The following EDN3 variants were observed in gnomAD, a reference collection of about 807,000 sequenced individuals.
EDN3 encodes endothelin-3.
In EDN3, 9 loss-of-function variants were observed where a neutral mutation model predicts 21.4. The observed-to-expected ratio is 0.42, with a 90% confidence interval of 0.25 to 0.73. The LOEUF is 0.73. Ranked by LOEUF, EDN3 falls within the 30% of genes least tolerant of loss-of-function variation. The pLI, the probability that EDN3 is intolerant of heterozygous loss-of-function variation, is 0.26. For missense variants in EDN3, 327 were observed against 309.4 expected (o/e 1.06, Z -0.43); for synonymous variants, 133 against 126.2 (o/e 1.05, Z -0.36).
In EDN3 at chr20:59,311,425, G is replaced by A. The variant is rs575069973; in HGVS notation, c.366-9592G>A. On this transcript the variant is annotated intron_variant, in intron 2 of 4. Transcript: ENST00000337938. The stretch of plus-strand genomic sequence containing the variant: ...TTGAGTATACTTACAGTTATTTTTC[G>A]ATCCTATGCTAAACAAGGGGTGGGT... 5.3e-5 allele frequency among the ~76,000 whole-genome samples: 8 copies of A among 152,232 alleles called. No individual in the cohort carries two copies. The South Asian group carries it at 1.7e-3, about 32-fold the overall frequency.
At chr20:59,321,788 G>T (rs574347805) in intron 3 of EDN3, among the ~76,000 whole-genome samples, 1 of 152,132 alleles carries the variant, frequency 6.6e-6, no homozygotes, top group African/African-American at 2.4e-5. Flanking sequence ...GAGACCCTGT[G>T]GTCTGTCCTG....
chr20:59,315,610 T>G (rs949919618), intron 2 of EDN3, among the ~76,000 whole-genome samples: 4 of 152,202 alleles, frequency 2.6e-5, no homozygotes, highest in Non-Finnish European at 4.4e-5. Flanking sequence ...AGGTACTCAT[T>G]TTGTTCATGT....
Position 59,325,406 on chromosome 20 carries a change from C to G in EDN3, c.*947C>G, listed in dbSNP as rs753749070. 7 of 152,438 alleles carry G rather than the reference C, an allele frequency of 4.6e-5. No individual in the cohort carries two copies. The highest frequency in any genetic ancestry group is 8.8e-5 in the Non-Finnish European group (6 of 68,042). 9.4% of individuals were successfully genotyped at this position (152,438 alleles called of 1,614,324 possible). ...CAGTTCAAAATCTCTTTCAGCTGCG[C>G]TCTTCCCACCGAGCCGAGCTTACTG... On this transcript the variant is annotated 3_prime_UTR_variant, in exon 5 of 5. Coordinates refer to ENST00000337938, the MANE Select transcript of EDN3 (RefSeq NM_207034.3).
intron 2 of EDN3, among the ~76,000 whole-genome samples, chr20:59,303,124 G>C (rs1319850416): frequency 6.6e-6 from 1 of 152,206 alleles, no homozygotes; most frequent in Non-Finnish European, 1.5e-5. Context: ...TGCTGTCACT[G>C]TCTTGAAATC....
At chr20:59,306,595 T>TAAAAAAAAAAAAAAAAAAAAAAA (rs57144708) in intron 2 of EDN3, among the ~76,000 whole-genome samples, 7 of 62,458 alleles carry the variant, frequency 1.1e-4, no homozygotes, top group East Asian at 5.7e-4. Flanking sequence ...GCATAAAGAG[T>TAAAAAAAAAAAAAAAAAAAAAAA]AAAAAAAAAA....
chr20:59,318,318 C>T (rs752841483), intron 2 of EDN3, among the ~76,000 whole-genome samples: 12 of 152,246 alleles, frequency 7.9e-5, no homozygotes, highest in African/African-American at 2.4e-4. Flanking sequence ...CACCACATGT[C>T]GATACGGAGT....
chr20:59,305,079 A>G lies in EDN3; in HGVS notation c.365+3357A>G, dbSNP rs975541735. Among the ~76,000 whole-genome samples the G allele has an allele frequency of 6.6e-6, 1 of 152,108 alleles. No homozygotes were observed. Among genetic ancestry groups the G allele is most frequent in the Non-Finnish European group, 1.5e-5 (1 of 68,018 alleles). Reference sequence around the variant, plus strand: ...GTGGGCAAGAGAGTTTTTCTTGGGGATGTTGCCCATAACTTCTGTGATATC... The same window carrying G: ...GTGGGCAAGAGAGTTTTTCTTGGGGGTGTTGCCCATAACTTCTGTGATATC... On this transcript the variant is annotated intron_variant, in intron 2 of 4. Transcript: ENST00000337938. This position sits in a 1 kb window ranked among gnomAD's most constrained non-coding sequence, Gnocchi z 4.2.
rs1600725257 is a variant in EDN3, at chr20:59,305,972, G to A, written c.365+4250G>A. 6.6e-6 allele frequency among the ~76,000 whole-genome samples: 1 copy of A among 152,204 alleles called. No individual in the cohort carries two copies. Among genetic ancestry groups the A allele is most frequent in the Admixed American group, 6.5e-5 (1 of 15,286 alleles). On this transcript the variant is annotated intron_variant, in intron 2 of 4. Coordinates refer to ENST00000337938, the MANE Select transcript of EDN3 (RefSeq NM_207034.3). This position sits in a 1 kb window ranked among gnomAD's most constrained non-coding sequence, Gnocchi z 4.2. Reference sequence around the variant, plus strand: ...AAAGTGACCCATAACGGGGATGTCAGCTCGAACCACATTTCATGGCGGACC... The same window carrying A: ...AAAGTGACCCATAACGGGGATGTCAACTCGAACCACATTTCATGGCGGACC...
Position 59,324,369 on chromosome 20 carries a change from C to T in EDN3, c.627C>T (p.Asp209=). 1 of 1,614,144 alleles carries T rather than the reference C, an allele frequency of 6.2e-7. No homozygotes were observed. The highest frequency in any genetic ancestry group is 8.5e-7 in the Non-Finnish European group (1 of 1,180,010). The change falls in exon 5 of 5, where the codon GAC becomes GAT. Residue 209 remains aspartate (D), a synonymous_variant. Coordinates refer to ENST00000337938, the MANE Select transcript of EDN3 (RefSeq NM_207034.3). ...VKDQQSKQAL[D]LHHPKLMPGS... ...ACCAACAAAGCAAGCAGGCTTTAGA[C>T]CTCCACCATCCAAAGCTCATGCCCG...
At chr20:59,308,620 A>T (rs570268163) in intron 2 of EDN3, among the ~76,000 whole-genome samples, 8 of 152,322 alleles carry the variant, frequency 5.3e-5, no homozygotes, top group Admixed American at 1.3e-4. Context: ...GCACTCTATG[A>T]GGAAAGATGT....
intron 2 of EDN3, among the ~76,000 whole-genome samples, chr20:59,303,318 A>G (rs1989175188): frequency 6.6e-6 from 1 of 152,106 alleles, no homozygotes; most frequent in Admixed American, 6.5e-5. Flanking sequence ...GCCATCATCA[A>G]TTGCCTCTTA....
rs142395912 is a variant in EDN3, at chr20:59,305,630, G to A, written c.365+3908G>A. On this transcript the variant is annotated intron_variant, in intron 2 of 4. Transcript: ENST00000337938. The surrounding 1 kb of genome is among the most constrained non-coding windows in gnomAD (Gnocchi z 4.2). ...ATATATATATGGAGAGAGACAAAGA[G>A]CAATTTTCAGAATTTGGCTTACATG... Among the ~76,000 whole-genome samples the A allele has an allele frequency of 9.2e-5, 14 of 152,346 alleles. No individual in the cohort carries two copies. Among genetic ancestry groups the A allele is most frequent in the South Asian group, 4.1e-4 (2 of 4,828 alleles).
At chr20:59,308,658 G>A (rs530361356) in intron 2 of EDN3, among the ~76,000 whole-genome samples, 102 of 152,334 alleles carry the variant, frequency 6.7e-4, no homozygotes, top group African/African-American at 2.3e-3. Context: ...AAAGTACACA[G>A]GGCGTGGTTA....
chr20:59,302,374 G>C (rs972185841), intron 2 of EDN3, among the ~76,000 whole-genome samples: 9 of 152,128 alleles, frequency 5.9e-5, no homozygotes, highest in Non-Finnish European at 1.2e-4. Context: ...CTTCTCTCCT[G>C]CAGTCCTTAG....
chr20:59,301,371 C>T, intron 1 of EDN3, 39 bp from the exon 2 acceptor site: 1 of 1,598,338 alleles, frequency 6.3e-7, no homozygotes, highest in Non-Finnish European at 8.5e-7. Flanking sequence ...GAGGGGTCTG[C>T]ACACTCAGCT....
chr20:59,322,360 C>T lies in EDN3; in HGVS notation c.543-12C>T, dbSNP rs368692180. ...GCAGGTTGATTGATTAAAACCAGCT[C>T]TCTCCCCACAGTAATTCAAGGACGG... On this transcript the variant is annotated splice_polypyrimidine_tract_variant and intron_variant, in intron 3 of 4. Coordinates refer to ENST00000337938, the MANE Select transcript of EDN3 (RefSeq NM_207034.3). The surrounding 1 kb of genome is among the most constrained non-coding windows in gnomAD (Gnocchi z 4.1). 6.2e-7 allele frequency: 1 copy of T among 1,614,022 alleles called. No individual in the cohort carries two copies. The highest frequency in any genetic ancestry group is 1.3e-5 in the African/African-American group (1 of 74,900).
intron 2 of EDN3, among the ~76,000 whole-genome samples, chr20:59,316,601 G>GT (rs1434637416): frequency 6.6e-6 from 1 of 152,206 alleles, no homozygotes; most frequent in African/African-American, 2.4e-5. Context: ...TAAAACAAAA[G>GT]TCAGCTTTCC....
At chr20:59,321,244 G>C (rs764755699) in intron 3 of EDN3, 51 bp downstream of exon 3, 11 of 1,591,810 alleles carry the variant, frequency 6.9e-6, no homozygotes, top group Admixed American at 1.7e-5. Context: ...ATCAACCCTC[G>C]GCAAGGCCAG....
intron 2 of EDN3, among the ~76,000 whole-genome samples, chr20:59,307,074 G>A (rs1568829932): frequency 1.3e-5 from 2 of 152,240 alleles, no homozygotes; most frequent in Non-Finnish European, 2.9e-5. Context: ...GAACCCAGGA[G>A]GTGGAGGTTG....
Sources: allele counts gnomAD v4.1 joint callset (sites outside exome capture counted in the v4.1 genomes callset), GRCh38; gene constraint gnomAD v4.1.1; non-coding constraint Gnocchi (gnomAD v3.1); transcripts MANE v1.5; gene names NCBI Gene and HGNC (gene_info 2026-07-23, HGNC 2026-07-21).